Variants in HAUS6 observed in about 807,000 individuals in gnomAD.
HAUS6 encodes the protein HAUS augmin-like complex subunit 6.
HAUS6 carries 80 observed loss-of-function variants against 106.8 expected under a neutral mutation model. The ratio of observed to expected loss-of-function variants is 0.75; its 90% CI spans 0.63 to 0.90. The LOEUF (loss-of-function observed/expected upper bound fraction) is 0.90. Ranked by LOEUF, HAUS6 falls within the 40% of genes least tolerant of loss-of-function variation. The pLI, the probability that HAUS6 is intolerant of heterozygous loss-of-function variation, is 0.00. For missense variants in HAUS6, 1,155 were observed against 1,118.1 expected, an observed-to-expected ratio of 1.03 and a Z score of -0.47; for synonymous variants, 356 against 379.1, an observed-to-expected ratio of 0.94 and a Z score of 0.71.
At chr9:19,084,168 T>C (rs953835099) in intron 7 of HAUS6, among the ~76,000 whole-genome samples, 2 of 151,640 alleles carry the variant, frequency 1.3e-5, no homozygotes, top group Non-Finnish European at 2.9e-5. Context: ...ATTCATAAAA[T>C]AGAACACTAA....
intron 8 of HAUS6, among the ~76,000 whole-genome samples, chr9:19,081,223 G>A (rs62563641): frequency 0.15 from 23,287 of 152,068 alleles, 2,246 homozygotes; most frequent in African/African-American, 0.28. Flanking sequence ...TACACAAAAG[G>A]TTGAAAACTA....
intron 15 of HAUS6, 129 bp from the exon 16 acceptor site, chr9:19,059,130 G>T: frequency 1.6e-6 from 1 of 609,522 alleles, no homozygotes; most frequent in South Asian, 2.2e-5. Context: ...ATACTGGTTG[G>T]ATGATAAGCC....
chr9:19,074,057 G>A (rs1256594973), intron 11 of HAUS6: 2 of 152,172 alleles, frequency 1.3e-5, no homozygotes, highest in Non-Finnish European at 2.9e-5. Context: ...GACCAGCCTG[G>A]GCAACACGGT....
chr9:19,097,271 G>A (rs1817884641), intron 1 of HAUS6, among the ~76,000 whole-genome samples: 1 of 152,156 alleles, frequency 6.6e-6, no homozygotes, highest in Non-Finnish European at 1.5e-5. Flanking sequence ...AAACTAAACA[G>A]CTTCTGCACA....
chr9:19,076,483 T>C (rs1487211441), intron 11 of HAUS6, 119 bp downstream of exon 11: 3 of 674,954 alleles, frequency 4.4e-6, no homozygotes, highest in East Asian at 2.7e-5. Flanking sequence ...GTTACATGCA[T>C]TTCACCACAA....
chr9:19,097,364 A>G (rs1817886429), intron 1 of HAUS6, among the ~76,000 whole-genome samples: 1 of 152,206 alleles, frequency 6.6e-6, no homozygotes, highest in Non-Finnish European at 1.5e-5. Flanking sequence ...ACAAAGGGCT[A>G]ATATCCAGAA....
chr9:19,067,301 T>C lies in HAUS6; in HGVS notation c.1376+2918A>G, dbSNP rs551348981. 3.9e-5 allele frequency among the ~76,000 whole-genome samples: 6 copies of C among 152,348 alleles called. No homozygotes were observed. The East Asian group carries it at 9.6e-4, about 24-fold the overall frequency. On this transcript the variant is annotated intron_variant, in intron 12 of 16. Transcript: ENST00000380502. ...ACAGTCCACCTATGTTACATATTAC[T>C]GATGGAACATGTAACTACATATACC...
intron 2 of HAUS6, among the ~76,000 whole-genome samples, chr9:19,096,380 C>T (rs910650019): frequency 2.0e-5 from 3 of 152,006 alleles, no homozygotes; most frequent in Admixed American, 6.6e-5. Context: ...GCCTGACCAA[C>T]AGGGTGAAAC....
chr9:19,089,308 C>A, intron 5 of HAUS6, 104 bp downstream of exon 5: 2 of 713,864 alleles, frequency 2.8e-6, no homozygotes, highest in Non-Finnish European at 4.7e-6. Flanking sequence ...GAAAGATAAC[C>A]GCCAAGGTTT....
In HAUS6 at chr9:19,070,294, T is replaced by A. The variant is rs766942074; in HGVS notation, c.1301A>T (p.His434Leu). The A allele has an allele frequency of 1.1e-5, 17 of 1,566,836 alleles. No homozygotes were observed. In the Admixed American group the frequency reaches 2.8e-4, roughly 26 times the overall value. Reference sequence around the variant, plus strand: ...ACCATTTTCTTGGTTATGTTGCTTATGTGCATCTAAAGAAATTTAAAAATT... The same window carrying A: ...ACCATTTTCTTGGTTATGTTGCTTAAGTGCATCTAAAGAAATTTAAAAATT... The part of the protein sequence containing the change: ...CQYPASLPDA[H>L]KQHNQENGCR... Residue 434 changes from histidine (H) to leucine (L), a missense_variant, in exon 12 of 17, where the codon CAT becomes CTT. Coordinates refer to ENST00000380502, the MANE Select transcript of HAUS6 (RefSeq NM_017645.5).
intron 4 of HAUS6, among the ~76,000 whole-genome samples, chr9:19,091,419 T>C (rs970722266): frequency 2.0e-5 from 3 of 152,130 alleles, no homozygotes; most frequent in Non-Finnish European, 4.4e-5. Context: ...AATCCAGAAA[T>C]AGGACAATCC....
At chr9:19,077,338 C>A (rs1837031534) in intron 10 of HAUS6, among the ~76,000 whole-genome samples, 2 of 152,110 alleles carry the variant, frequency 1.3e-5, no homozygotes, top group South Asian at 4.1e-4. Context: ...TATTCGAGAC[C>A]AGCCTGGCCA....
At chr9:19,061,661 C>CT (rs1564007387) in intron 14 of HAUS6, among the ~76,000 whole-genome samples, 3 of 151,776 alleles carry the variant, frequency 2.0e-5, no homozygotes, top group Non-Finnish European at 4.4e-5. Flanking sequence ...AGAGTGAGTT[C>CT]CCAACTCTAC....
At chr9:19,056,663 C>T (rs745542290) in intron 16 of HAUS6, 23 of 330,978 alleles carry the variant, frequency 6.9e-5, no homozygotes, top group Non-Finnish European at 1.2e-4. Context: ...TGCAGTGGCA[C>T]GATCGCAGCT....
intron 13 of HAUS6, 32 bp downstream of exon 13, chr9:19,063,482 C>G: frequency 9.2e-7 from 1 of 1,083,252 alleles, no homozygotes. Context: ...TAGTATGGTC[C>G]AGAATTAATT....
chr9:19,087,399 C>T (rs982563057), intron 5 of HAUS6, among the ~76,000 whole-genome samples: 2 of 152,096 alleles, frequency 1.3e-5, no homozygotes, highest in Non-Finnish European at 2.9e-5. Flanking sequence ...GTTAGTAAGA[C>T]GACTCTGCTC....
chr9:19,062,970 A>C, intron 14 of HAUS6, 38 bp downstream of exon 14: 1 of 1,452,542 alleles, frequency 6.9e-7, no homozygotes, highest in Non-Finnish European at 9.6e-7. Context: ...CCATCCAATA[A>C]CTGATATTTA....
Position 19,055,122 on chromosome 9 carries a change from C to T in HAUS6, c.*1221G>A, listed in dbSNP as rs1326696210. 1.3e-5 allele frequency: 2 copies of T among 152,130 alleles called. No homozygotes were observed. The highest frequency in any genetic ancestry group is 3.8e-4 in the East Asian group (2 of 5,202). 9.4% of individuals were successfully genotyped at this position (152,130 alleles called of 1,614,324 possible). On this transcript the variant is annotated 3_prime_UTR_variant, in exon 17 of 17. Coordinates refer to ENST00000380502, the MANE Select transcript of HAUS6 (RefSeq NM_017645.5). ...GACAACCAACTTAGAGAAAGGCAGC[C>T]CAAGATAAAAGAAATAACTATTAAG...
chr9:19,080,649 C>G lies in HAUS6; in HGVS notation c.894G>C (p.Glu298Asp). ...CTGTTAAGAGGTTCAGTTTTCCAGCCTCATAAACATTTCCTATGTGCAACT... is the reference window on the plus strand; with the variant it reads ...CTGTTAAGAGGTTCAGTTTTCCAGCGTCATAAACATTTCCTATGTGCAACT... ...MFQLHIGNVY[E>D]AGKLNLLTVI... The change falls in exon 9 of 17, where the codon GAG becomes GAC. Residue 298 changes from glutamate (E) to aspartate (D), a missense_variant. Transcript: ENST00000380502. The G allele has an allele frequency of 1.2e-6, 2 of 1,607,564 alleles. No homozygotes were observed. Among genetic ancestry groups the G allele is most frequent in the African/African-American group, 1.3e-5 (1 of 74,802 alleles).
Sources: gnomAD v4.1 joint callset for allele counts (sites outside exome capture counted in the v4.1 genomes callset) on GRCh38, gnomAD v4.1.1 for gene constraint, MANE v1.5 for transcripts, NCBI Gene and HGNC (gene_info 2026-07-23, HGNC 2026-07-21) for gene names.